The following NBAS variants were observed in gnomAD, a reference collection of about 807,000 sequenced individuals.
The protein encoded by NBAS is NBAS subunit of NRZ tethering complex.
A neutral mutation model predicts 302.5 loss-of-function variants in NBAS; 219 were observed. The observed-to-expected ratio is 0.72, with a 90% CI of 0.65 to 0.81. The LOEUF is 0.81. Ranked by LOEUF, NBAS falls within the 30% of genes least tolerant of loss-of-function variation. The pLI is 0.00. For missense variants in NBAS, 2,932 were observed against 2,841.6 expected (o/e 1.03, Z -0.72); for synonymous variants, 1,118 against 1,021.6 (o/e 1.09, Z -1.80).
Position 15,167,333 on chromosome 2 carries a change from A to G in NBAS, c.6841-10T>C. On this transcript the variant is annotated splice_polypyrimidine_tract_variant and intron_variant, in intron 51 of 51. Coordinates refer to ENST00000281513, the MANE Select transcript of NBAS (RefSeq NM_015909.4). ...AATTGGAATCATTCACCTTCAAGAA[A>G]TAAGACAGGCACAGCGTGAGGGGGT... 6.2e-7 allele frequency: 1 copy of G among 1,614,164 alleles called. No individual in the cohort carries two copies.
At chr2:15,084,273 G>C in the NBAS span, among the ~76,000 whole-genome samples, 1 of 152,058 alleles carries the variant, frequency 6.6e-6, no homozygotes, top group African/African-American at 2.4e-5. Context: ...ATGTTGCCCA[G>C]GCTGGTCTCG....
At chr2:15,294,992 A>G (rs966268068) in intron 40 of NBAS, among the ~76,000 whole-genome samples, 1 of 152,114 alleles carries the variant, frequency 6.6e-6, no homozygotes, top group East Asian at 1.9e-4. Context: ...TTACCAGGCT[A>G]TTGTTTCTAT....
At chr2:14,787,408 TC>T in the NBAS span, among the ~76,000 whole-genome samples, 3 of 152,210 alleles carry the variant, frequency 2.0e-5, no homozygotes, top group Non-Finnish European at 2.9e-5. Flanking sequence ...TGCAGTTTCT[TC>T]CTAGCCTCGA....
At chr2:15,291,453 C>T (rs1358297554) in intron 41 of NBAS, among the ~76,000 whole-genome samples, 1 of 152,240 alleles carries the variant, frequency 6.6e-6, no homozygotes, top group African/African-American at 2.4e-5. Flanking sequence ...AACATCTCTA[C>T]TTAATAACTG....
the NBAS span, among the ~76,000 whole-genome samples, chr2:15,039,233 G>C: frequency 6.6e-6 from 1 of 152,172 alleles, no homozygotes. Flanking sequence ...ATCAGTGAAA[G>C]CCAAGTACAA....
intron 14 of NBAS, among the ~76,000 whole-genome samples, chr2:15,475,471 T>C (rs1680147743): frequency 6.6e-6 from 1 of 152,198 alleles, no homozygotes; most frequent in Non-Finnish European, 1.5e-5. Context: ...AGAAATACTT[T>C]ATACAGAGCA....
the NBAS span, among the ~76,000 whole-genome samples, chr2:15,110,996 T>C: frequency 6.6e-6 from 1 of 152,106 alleles, no homozygotes; most frequent in African/African-American, 2.4e-5. Context: ...GATACATCTA[T>C]AAGAAAAGAA....
chr2:15,505,440 C>A (rs1164810486), intron 10 of NBAS, among the ~76,000 whole-genome samples: 1 of 152,012 alleles, frequency 6.6e-6, no homozygotes, highest in Non-Finnish European at 1.5e-5. Context: ...AGAAAAATGG[C>A]AAACAGGAAG....
chr2:15,511,829 G>A (rs1388499875), intron 9 of NBAS, among the ~76,000 whole-genome samples: 1 of 152,210 alleles, frequency 6.6e-6, no homozygotes, highest in African/African-American at 2.4e-5. Context: ...CTGGTTGGTA[G>A]TTTAGCTGCA....
At position 15,407,376 on chromosome 2, in the gene NBAS, G is replaced by A. The variant is rs186248244; in HGVS notation, c.2938-5075C>T. Among the ~76,000 whole-genome samples, 17 of 152,242 alleles carry A rather than the reference G, an allele frequency of 1.1e-4. No homozygotes were observed. In the East Asian group the frequency reaches 3.3e-3, roughly 29 times the overall value. On this transcript the variant is annotated intron_variant, in intron 25 of 51. Transcript: ENST00000281513. ...AGGAGTCCAGGACCTGCCAAGGAGA[G>A]GGGCCTAGTAATCACCCAATACTTC...
intron 44 of NBAS, among the ~76,000 whole-genome samples, chr2:15,269,809 A>C (rs1223574367): frequency 6.6e-6 from 1 of 152,238 alleles, no homozygotes; most frequent in Non-Finnish European, 1.5e-5. Context: ...AAAGTTCAAT[A>C]ATATGGCTTT....
At chr2:14,812,859 G>A in the NBAS span, among the ~76,000 whole-genome samples, 3 of 152,274 alleles carry the variant, frequency 2.0e-5, no homozygotes, top group African/African-American at 7.2e-5. Context: ...TGGAGGTGGG[G>A]TCTGGTGGGA....
the NBAS span, among the ~76,000 whole-genome samples, chr2:15,095,155 C>T: frequency 1.1e-3 from 164 of 152,274 alleles, 1 homozygote; most frequent in African/African-American, 3.9e-3. Context: ...ACGGCCATTG[C>T]ATACACATTA....
chr2:15,346,401 A>T (rs1673093226), intron 35 of NBAS, among the ~76,000 whole-genome samples: 2 of 152,196 alleles, frequency 1.3e-5, no homozygotes, highest in South Asian at 4.1e-4. Flanking sequence ...CATGAAAAAA[A>T]GCTTAACATC....
chr2:14,839,564 AT>A, the NBAS span, among the ~76,000 whole-genome samples: 1 of 152,044 alleles, frequency 6.6e-6, no homozygotes, highest in Non-Finnish European at 1.5e-5. Context: ...CATGTTGTAG[AT>A]TTGTTTCACT....
rs114165608 is a variant in NBAS at position 15,479,472 on chromosome 2, A to G, written c.1084-1183T>C. Among the ~76,000 whole-genome samples the G allele has an allele frequency of 6.1e-3, 922 of 152,310 alleles. 10 individuals are homozygous for G. The highest frequency in any genetic ancestry group is 0.02 in the African/African-American group (832 of 41,572). On this transcript the variant is annotated intron_variant, in intron 12 of 51. Transcript: ENST00000281513. ...ATGCCACCATGTATTTACGTGGCAC[A>G]TGTACCTTCCTACTTACATTTTGGA...
chr2:15,259,321 C>CAAACCCCTGCATTAAT (rs1255765091), intron 44 of NBAS, among the ~76,000 whole-genome samples: 2 of 152,132 alleles, frequency 1.3e-5, no homozygotes, highest in Admixed American at 1.3e-4. Flanking sequence ...TGACTCCATC[C>CAAACCCCTGCATTAAT]AAACCCCTGC....
chr2:15,227,816 C>T (rs1466948083), intron 47 of NBAS, among the ~76,000 whole-genome samples: 1 of 152,008 alleles, frequency 6.6e-6, no homozygotes, highest in Non-Finnish European at 1.5e-5. Flanking sequence ...CTATCTCTCA[C>T]CATATATTAC....
At chr2:14,849,057 C>T in the NBAS span, among the ~76,000 whole-genome samples, 18 of 151,032 alleles carry the variant, frequency 1.2e-4, no homozygotes, top group South Asian at 1.3e-3. Context: ...TCACCAGCAA[C>T]GGAACAAAGC....
Sources: gnomAD v4.1 joint callset for allele counts (sites outside exome capture counted in the v4.1 genomes callset) on GRCh38, gnomAD v4.1.1 for gene constraint, MANE v1.5 for transcripts, NCBI Gene and HGNC (gene_info 2026-07-23, HGNC 2026-07-21) for gene names.